SNTG2: variants seen among roughly 807,000 people sequenced by gnomAD.
SNTG2 encodes gamma-2-syntrophin.
A neutral mutation model predicts 70.9 loss-of-function variants in SNTG2; 74 were observed. The observed-to-expected ratio is 1.04, with a 90% CI of 0.86 to 1.27. SNTG2 has a LOEUF of 1.27. Among genes scored for constraint, SNTG2 ranks in the 50% most tolerant of loss-of-function variants. The probability of loss-of-function intolerance (pLI) is 0.00; values close to 1 mark genes in which losing one functional copy is unlikely to be tolerated. For missense variants in SNTG2, 717 were observed against 690.7 expected (o/e 1.04, Z -0.43); for synonymous variants, 278 against 273.8 (o/e 1.02, Z -0.15).
intron 8 of SNTG2, among the ~76,000 whole-genome samples, chr2:1,182,221 C>CT: frequency 6.6e-6 from 1 of 152,258 alleles, no homozygotes; most frequent in Middle Eastern, 3.4e-3. Flanking sequence ...GTGGCTTCTG[C>CT]TTTAGCTCTG....
chr2:989,711 A>C (rs1391815786), intron 1 of SNTG2, among the ~76,000 whole-genome samples: 2 of 152,232 alleles, frequency 1.3e-5, no homozygotes. Flanking sequence ...GAGTTGGAAC[A>C]TGTTCCCTCT....
At chr2:1,233,973 CAT>C (rs996329755) in intron 9 of SNTG2, among the ~76,000 whole-genome samples, 13 of 152,138 alleles carry the variant, frequency 8.5e-5, no homozygotes, top group African/African-American at 2.9e-4. Context: ...CCTACAATCT[CAT>C]GTGTGTCCAT....
chr2:1,262,624 G>A (rs535630074), intron 13 of SNTG2, among the ~76,000 whole-genome samples: 2,929 of 136,324 alleles, frequency 0.021, 220 homozygotes, highest in Non-Finnish European at 0.03. Context: ...GTCCAGACGA[G>A]GAAACCCAAA....
At chr2:1,072,311 A>C (rs1271132148) in intron 1 of SNTG2, among the ~76,000 whole-genome samples, 2 of 148,246 alleles carry the variant, frequency 1.3e-5, no homozygotes, top group African/African-American at 5.0e-5. Flanking sequence ...AGTTAAAGCC[A>C]GTGATTTTCT....
intron 1 of SNTG2, among the ~76,000 whole-genome samples, chr2:1,025,746 C>G (rs1158045784): frequency 6.6e-6 from 1 of 152,220 alleles, no homozygotes; most frequent in Non-Finnish European, 1.5e-5. Context: ...TCTGGGTCAT[C>G]CGGGATGACC....
rs191429823 is a variant in SNTG2, at chr2:1,132,270, C to T, written c.326-5352C>T. On this transcript the variant is annotated intron_variant, in intron 4 of 16. Coordinates refer to ENST00000308624, the MANE Select transcript of SNTG2 (RefSeq NM_018968.4). ...ATACACACACACACACACATACATA[C>T]ACACATACATGCACAGGTTGATAGG... Among the ~76,000 whole-genome samples, 36 of 151,602 alleles carry T rather than the reference C, an allele frequency of 2.4e-4. 1 individual carries two copies. Among genetic ancestry groups the T allele is most frequent in the Admixed American group, 1.2e-3 (18 of 15,224 alleles).
In SNTG2 at chr2:1,316,374, A is replaced by T. The variant is rs887947092; in HGVS notation, c.1487A>T (p.Lys496Met). The change falls in exon 16 of 17, where the codon AAG (lysine) becomes ATG (methionine). Residue 496 changes from lysine to methionine, a missense_variant and splice_region_variant. Coordinates refer to ENST00000308624, the MANE Select transcript of SNTG2 (RefSeq NM_018968.4). ...QNLDTKQIET[K>M]ELEFQDLRAV... ...CTGGACACCAAACAGATTGAGACGA[A>T]GGTATGCGGCATGGGGCATGGGTTA... 4 of 1,482,430 alleles carry T rather than the reference A, an allele frequency of 2.7e-6. No homozygotes were observed. The highest frequency in any genetic ancestry group is 1.4e-5 in the African/African-American group (1 of 71,740). The allele number at this position is 1,482,430 out of a possible 1,614,324, so 91.8% of individuals were successfully genotyped here. A position where few individuals can be genotyped will look rare whatever the true frequency, so the allele number is the denominator to read the frequency against.
intron 14 of SNTG2, among the ~76,000 whole-genome samples, chr2:1,269,242 G>A (rs1247530172): frequency 6.6e-6 from 1 of 152,130 alleles, no homozygotes; most frequent in Non-Finnish European, 1.5e-5. Flanking sequence ...GGTGGTTCAT[G>A]CCTGTAATCC....
intron 9 of SNTG2, among the ~76,000 whole-genome samples, chr2:1,234,114 C>T (rs1347052759): frequency 1.3e-5 from 2 of 152,144 alleles, no homozygotes; most frequent in East Asian, 3.9e-4. Flanking sequence ...AGGCCGGGTT[C>T]CAACTGTGAG....
chr2:954,521 A>T (rs1314102516), intron 1 of SNTG2, among the ~76,000 whole-genome samples: 5 of 152,206 alleles, frequency 3.3e-5, no homozygotes, highest in African/African-American at 9.7e-5. Flanking sequence ...GCATGTTGTC[A>T]TGACTGTAGT....
intron 14 of SNTG2, among the ~76,000 whole-genome samples, chr2:1,287,732 G>A (rs1205879390): frequency 6.6e-6 from 1 of 152,222 alleles, no homozygotes; most frequent in East Asian, 1.9e-4. Flanking sequence ...CGCTGACAGC[G>A]TGACCTGTTG....
At chr2:1,073,865 G>A (rs756406260) in intron 1 of SNTG2, among the ~76,000 whole-genome samples, 5 of 152,176 alleles carry the variant, frequency 3.3e-5, no homozygotes, top group Non-Finnish European at 7.3e-5. Flanking sequence ...TGTTAAAAGC[G>A]TGTCTCAGTA....
At position 1,203,668 on chromosome 2, in the gene SNTG2, A is replaced by AT. The variant is rs1558526111; in HGVS notation, c.592-5435_592-5434insT. ...GACCTTGTCTCAAAAACAAACAAAAAAAAAAATATATATATATATATATGT... is the reference window on the plus strand; with the variant it reads ...GACCTTGTCTCAAAAACAAACAAAAATAAAAAATATATATATATATATATGT... On this transcript the variant is annotated intron_variant, in intron 8 of 16. Coordinates refer to ENST00000308624, the MANE Select transcript of SNTG2 (RefSeq NM_018968.4). Among the ~76,000 whole-genome samples the AT allele has an allele frequency of 6.0e-3, 522 of 86,928 alleles. 4 individuals are homozygous for AT. The highest frequency in any genetic ancestry group is 0.018 in the African/African-American group (468 of 25,842). 57.0% of individuals were successfully genotyped at this position (86,928 alleles called of 152,430 possible).
At chr2:1,007,847 C>A (rs1017400000) in intron 1 of SNTG2, among the ~76,000 whole-genome samples, 1 of 152,296 alleles carries the variant, frequency 6.6e-6, no homozygotes, top group Non-Finnish European at 1.5e-5. Flanking sequence ...GATCTCGGCT[C>A]ACTGCAACCT....
At chr2:1,312,191 A>G (rs976896437) in intron 15 of SNTG2, among the ~76,000 whole-genome samples, 2 of 152,096 alleles carry the variant, frequency 1.3e-5, no homozygotes, top group African/African-American at 2.4e-5. Context: ...TCTAATCTAT[A>G]TGGCCTAAAT....
At chr2:1,131,337 A>G (rs1257836954) in intron 4 of SNTG2, among the ~76,000 whole-genome samples, 1 of 152,172 alleles carries the variant, frequency 6.6e-6, no homozygotes, top group East Asian at 1.9e-4. Context: ...GGAGGTAAAA[A>G]GGCAATTTAA....
At chr2:1,179,040 A>G (rs1273204647) in intron 8 of SNTG2, among the ~76,000 whole-genome samples, 37 of 152,200 alleles carry the variant, frequency 2.4e-4, no homozygotes, top group Non-Finnish European at 3.2e-4. Flanking sequence ...GGGAGGGTGT[A>G]TGTGTCGAGG....
At chr2:1,032,739 A>G (rs76847296) in intron 1 of SNTG2, among the ~76,000 whole-genome samples, 3,108 of 151,192 alleles carry the variant, frequency 0.021, 111 homozygotes, top group African/African-American at 0.07. Flanking sequence ...TATCTACCTC[A>G]TTGGTAGATA....
chr2:966,964 A>AC (rs1660589427), intron 1 of SNTG2, among the ~76,000 whole-genome samples: 1 of 131,098 alleles, frequency 7.6e-6, no homozygotes, highest in African/African-American at 3.1e-5. Context: ...CAAACAAACA[A>AC]ACAAAAAAAC....
Sources: gnomAD v4.1 joint callset for allele counts (sites outside exome capture counted in the v4.1 genomes callset) on GRCh38, gnomAD v4.1.1 for gene constraint, MANE v1.5 for transcripts, NCBI Gene and HGNC (gene_info 2026-07-23, HGNC 2026-07-21) for gene names.